GRIK1: variants seen among roughly 807,000 people sequenced by gnomAD.
The protein encoded by GRIK1 is glutamate receptor ionotropic, kainate 1.
A neutral mutation model predicts 105.7 loss-of-function variants in GRIK1; 69 were observed. The ratio of observed to expected loss-of-function variants is 0.65; its 90% CI spans 0.54 to 0.80. GRIK1 has a LOEUF of 0.80. Among genes scored for constraint, GRIK1 ranks in the 30% least tolerant of loss-of-function variants. GRIK1 has a pLI of 0.00. For synonymous variants in GRIK1, 438 were observed against 431.3 expected, an observed-to-expected ratio of 1.02 and a Z score of -0.19; for missense variants, 1,109 against 1,167.3, an observed-to-expected ratio of 0.95 and a Z score of 0.73.
intron 13 of GRIK1, 57 bp downstream of exon 13, chr21:29,581,366 CAT>C (rs2091019609): frequency 8.3e-6 from 8 of 963,252 alleles, no homozygotes; most frequent in Non-Finnish European, 1.4e-5. Flanking sequence ...AGTTTACCAG[CAT>C]GAAAGCCTGT....
intron 3 of GRIK1, among the ~76,000 whole-genome samples, chr21:29,685,458 T>A (rs1273954488): frequency 1.3e-5 from 2 of 152,180 alleles, no homozygotes; most frequent in Non-Finnish European, 2.9e-5. Context: ...TTTGTTTTTT[T>A]TTAATGTTTT....
chr21:29,818,899 A>G (rs1481188201), intron 1 of GRIK1, among the ~76,000 whole-genome samples: 1 of 152,068 alleles, frequency 6.6e-6, no homozygotes, highest in East Asian at 1.9e-4. Flanking sequence ...GAATATGGCC[A>G]GGAGCATTTG....
chr21:29,877,173 G>C (rs529992854), intron 1 of GRIK1, among the ~76,000 whole-genome samples: 1 of 151,860 alleles, frequency 6.6e-6, no homozygotes, highest in East Asian at 1.9e-4. Context: ...TTCTCCTCTA[G>C]GGCCTGCAGT....
intron 1 of GRIK1, 86 bp downstream of exon 1, chr21:29,939,297 G>A: frequency 2.6e-6 from 2 of 776,874 alleles, no homozygotes; most frequent in South Asian, 1.6e-5. Context: ...GCGCCGCCGC[G>A]CGCTGCCTCG....
intron 2 of GRIK1, among the ~76,000 whole-genome samples, chr21:29,691,548 C>T (rs545768425): frequency 3.0e-4 from 46 of 152,284 alleles, no homozygotes; most frequent in African/African-American, 1.1e-3. Context: ...GGGCAGTTTG[C>T]CCTCTACAAC....
At chr21:29,701,553 G>A (rs1474911793) in intron 1 of GRIK1, among the ~76,000 whole-genome samples, 2 of 152,176 alleles carry the variant, frequency 1.3e-5, no homozygotes, top group Admixed American at 1.3e-4. Flanking sequence ...GGCCATCACA[G>A]GGCTGTGGTT....
rs138222582 is a variant in GRIK1, at chr21:29,850,529, C to T, written c.118+88854G>A. ...AAAGCAACAAGGACAACCACCACCA[C>T]AACAATGAACAAAAAACGAATCCCA... is the stretch of plus-strand genomic sequence containing the variant. On this transcript the variant is annotated intron_variant, in intron 1 of 17. Transcript: ENST00000327783. 5.3e-5 allele frequency among the ~76,000 whole-genome samples: 8 copies of T among 152,272 alleles called. No homozygotes were observed. The East Asian group carries it at 1.5e-3, about 29-fold the overall frequency.
At chr21:29,754,525 A>C (rs1182957682) in intron 1 of GRIK1, among the ~76,000 whole-genome samples, 1 of 152,208 alleles carries the variant, frequency 6.6e-6, no homozygotes, top group African/African-American at 2.4e-5. Flanking sequence ...CGAAATGAGG[A>C]GTAATCCTCG....
At chr21:29,583,242 ATAATT>A (rs1326588284) in intron 12 of GRIK1, among the ~76,000 whole-genome samples, 1 of 152,142 alleles carries the variant, frequency 6.6e-6, no homozygotes, top group Non-Finnish European at 1.5e-5. Flanking sequence ...TTTCAACAAT[ATAATT>A]AAGTTTTGAA....
intron 1 of GRIK1, among the ~76,000 whole-genome samples, chr21:29,905,775 C>T (rs908300367): frequency 2.7e-5 from 4 of 150,060 alleles, no homozygotes; most frequent in Non-Finnish European, 5.9e-5. Context: ...TACAGGCGCC[C>T]GCCACTACGC....
At chr21:29,721,277 AGGTTTTC>A (rs2064314872) in intron 1 of GRIK1, among the ~76,000 whole-genome samples, 1 of 152,190 alleles carries the variant, frequency 6.6e-6, no homozygotes, top group Non-Finnish European at 1.5e-5. Flanking sequence ...GATAGATGGA[AGGTTTTC>A]CCTTTTCTAC....
chr21:29,906,959 T>C (rs1000375887), intron 1 of GRIK1, among the ~76,000 whole-genome samples: 1 of 151,844 alleles, frequency 6.6e-6, no homozygotes, highest in Admixed American at 6.6e-5. Flanking sequence ...GGGGCTTTCG[T>C]GAAAAGTAAC....
chr21:29,543,712 C>A (rs2090007011), intron 16 of GRIK1, among the ~76,000 whole-genome samples: 1 of 152,174 alleles, frequency 6.6e-6, no homozygotes, highest in East Asian at 1.9e-4. Flanking sequence ...TTCTCATCTC[C>A]TGGGTCCGTG....
intron 1 of GRIK1, among the ~76,000 whole-genome samples, chr21:29,724,372 A>G (rs2064400462): frequency 6.6e-6 from 1 of 152,084 alleles, no homozygotes; most frequent in African/African-American, 2.4e-5. Flanking sequence ...GCAACTATCA[A>G]TCTGGCAGGA....
chr21:29,939,475 T>A lies in GRIK1; in HGVS notation c.26A>T (p.Gln9Leu). MEHGTLLA[Q>L]PGLWTRDTSW... ...GGTGTCCCTGGTCCAGAGCCCGGGC[T>A]GGGCGAGGAGTGTGCCGTGCTCCAT... The change falls in exon 1 of 18, where the codon CAG becomes CTG. Residue 9 changes from glutamine (Q) to leucine (L), a missense_variant. Physicochemically the swap from Gln to Leu is moderately radical, Grantham distance 113 (BLOSUM62 -2). Transcript: ENST00000327783. 1 of 1,598,224 alleles carries A rather than the reference T, an allele frequency of 6.3e-7. No homozygotes were observed. The highest frequency in any genetic ancestry group is 8.5e-7 in the Non-Finnish European group (1 of 1,172,122).
In GRIK1 at chr21:29,577,160, G is replaced by A. The variant is rs1005822206; in HGVS notation, c.1934C>T (p.Ala645Val). The A allele has an allele frequency of 6.2e-7, 1 of 1,604,998 alleles. No individual in the cohort carries two copies. The highest frequency in any genetic ancestry group is 1.7e-5 in the Admixed American group (1 of 59,984). Residue 645 changes from alanine to valine, a missense_variant, in exon 14 of 18, where the codon GCT becomes GTT. Coordinates refer to ENST00000327783, the MANE Select transcript of GRIK1 (RefSeq NM_001330994.2). ...CCCTCCAACTATTCTGGTCGATAGAGCTTTGGGCATCAGCTCTGATCCTGT... is the reference window on the plus strand; with the variant it reads ...CCCTCCAACTATTCTGGTCGATAGAACTTTGGGCATCAGCTCTGATCCTGT... The part of the protein sequence containing the change: ...MQQGSELMPK[A>V]LSTRIVGGIW...
chr21:29,869,338 G>A (rs1015215456), intron 1 of GRIK1, among the ~76,000 whole-genome samples: 4 of 152,164 alleles, frequency 2.6e-5, no homozygotes, highest in Non-Finnish European at 5.9e-5. Context: ...GTTAAGCCTA[G>A]TGAGAAATGC....
intron 7 of GRIK1, among the ~76,000 whole-genome samples, chr21:29,639,776 A>G (rs1326268872): frequency 1.3e-5 from 2 of 152,210 alleles, no homozygotes; most frequent in African/African-American, 2.4e-5. Context: ...AGTTAATATT[A>G]CTTATGTAGT....
At chr21:29,660,702 G>T (rs2062945920) in intron 4 of GRIK1, among the ~76,000 whole-genome samples, 1 of 152,118 alleles carries the variant, frequency 6.6e-6, no homozygotes. Flanking sequence ...TGAAAAATAG[G>T]TATCTTGGAA....
Sources: gnomAD v4.1 joint callset for allele counts (sites outside exome capture counted in the v4.1 genomes callset) on GRCh38, gnomAD v4.1.1 for gene constraint, MANE v1.5 for transcripts, NCBI Gene and HGNC (gene_info 2026-07-23, HGNC 2026-07-21) for gene names.